SLC24A2: variants seen among roughly 807,000 people sequenced by gnomAD.
SLC24A2 encodes the protein sodium/potassium/calcium exchanger 2.
In SLC24A2, 36 loss-of-function variants were observed where a neutral mutation model predicts 62.0. That is an observed-to-expected ratio of 0.58 (90% CI 0.44 to 0.77). The LOEUF is 0.77. Among genes scored for constraint, SLC24A2 ranks in the 30% least tolerant of loss-of-function variants. The pLI, the probability that SLC24A2 is intolerant of heterozygous loss-of-function variation, is 0.00. For synonymous variants in SLC24A2, 358 were observed against 294.0 expected (o/e 1.22, Z -2.23); for missense variants, 846 against 817.9 (o/e 1.03, Z -0.42).
At chr9:19,637,160 G>A (rs1818380070) in intron 2 of SLC24A2, among the ~76,000 whole-genome samples, 2 of 152,174 alleles carry the variant, frequency 1.3e-5, no homozygotes, top group Non-Finnish European at 2.9e-5. Context: ...CACTGAAATG[G>A]GTTCTGGCAC....
intron 2 of SLC24A2, among the ~76,000 whole-genome samples, chr9:19,662,153 T>G (rs1819120119): frequency 6.6e-6 from 1 of 152,168 alleles, no homozygotes; most frequent in East Asian, 1.9e-4. Context: ...ATTATAAAAG[T>G]AACAAGAAAC....
At chr9:19,715,756 G>T (rs1820840040) in intron 2 of SLC24A2, among the ~76,000 whole-genome samples, 1 of 152,190 alleles carries the variant, frequency 6.6e-6, no homozygotes, top group African/African-American at 2.4e-5. Flanking sequence ...TTTTTATACA[G>T]CTGCATTATA....
At chr9:20,225,560 T>TTATATATATATATATTATATATATAA in the SLC24A2 span, among the ~76,000 whole-genome samples, 4 of 100,270 alleles carry the variant, frequency 4.0e-5, no homozygotes, top group Non-Finnish European at 7.2e-5. Context: ...ACTATATATA[T>TTATATATATATATATTATATATATAA]TATATATATA....
the SLC24A2 span, among the ~76,000 whole-genome samples, chr9:20,205,138 G>A: frequency 2.0e-5 from 3 of 152,024 alleles, no homozygotes; most frequent in Non-Finnish European, 4.4e-5. Context: ...GCATTGCCAC[G>A]TTCAAAATAA....
the SLC24A2 span, among the ~76,000 whole-genome samples, chr9:19,838,041 C>A: frequency 6.6e-6 from 1 of 150,776 alleles, no homozygotes; most frequent in Non-Finnish European, 1.5e-5. Context: ...CTACCAATGC[C>A]TTTCTTCACA....
chr9:20,076,093 C>CT, the SLC24A2 span, among the ~76,000 whole-genome samples: 11 of 151,454 alleles, frequency 7.3e-5, no homozygotes, highest in East Asian at 7.8e-4. Context: ...TGCAATCATT[C>CT]TTTTTTTTTC....
chr9:20,151,586 C>T, the SLC24A2 span, among the ~76,000 whole-genome samples: 1 of 151,870 alleles, frequency 6.6e-6, no homozygotes, highest in African/African-American at 2.4e-5. Context: ...GCATGCATCA[C>T]TCTACCTTCA....
intron 2 of SLC24A2, among the ~76,000 whole-genome samples, chr9:19,739,415 A>C (rs935926801): frequency 1.3e-5 from 2 of 152,244 alleles, no homozygotes; most frequent in African/African-American, 4.8e-5. Flanking sequence ...AACAGAACTC[A>C]GTAATGTATA....
At chr9:19,780,344 T>G (rs1034975014) in intron 2 of SLC24A2, among the ~76,000 whole-genome samples, 1 of 151,092 alleles carries the variant, frequency 6.6e-6, no homozygotes, top group Non-Finnish European at 1.5e-5. Context: ...CTTGGCTCAC[T>G]GCAATCTCTG....
chr9:20,293,210 G>T, the SLC24A2 span, among the ~76,000 whole-genome samples: 5 of 152,290 alleles, frequency 3.3e-5, no homozygotes, highest in South Asian at 1.0e-3. Context: ...ATAATATCAA[G>T]TTCTGAGACA....
the SLC24A2 span, among the ~76,000 whole-genome samples, chr9:20,080,920 A>G: frequency 6.6e-6 from 1 of 152,176 alleles, no homozygotes; most frequent in African/African-American, 2.4e-5. Flanking sequence ...AATCAAAACC[A>G]CAATGAGATA....
the SLC24A2 span, among the ~76,000 whole-genome samples, chr9:19,978,820 A>G: frequency 1.1e-3 from 162 of 152,298 alleles, 3 homozygotes; most frequent in East Asian, 0.029. Context: ...GAAAGGAACA[A>G]AGCTAGAAAG....
Position 19,513,313 on chromosome 9 carries a change from C to G in SLC24A2, c.*2840G>C, listed in dbSNP as rs1383391347. 1 of 151,438 alleles carries G rather than the reference C, an allele frequency of 6.6e-6. No homozygotes were observed. The highest frequency in any genetic ancestry group is 1.5e-5 in the Non-Finnish European group (1 of 67,938). The allele number at this position is 151,438 out of a possible 1,614,324, so 9.4% of individuals were successfully genotyped here. Reference sequence around the variant, plus strand: ...CCAATGATTTGAATGGTTTAAAGACCCATTGTTGAACTCTGTACACATCTC... The same window carrying G: ...CCAATGATTTGAATGGTTTAAAGACGCATTGTTGAACTCTGTACACATCTC... On this transcript the variant is annotated 3_prime_UTR_variant, in exon 11 of 11. Transcript: ENST00000341998.
intron 2 of SLC24A2, among the ~76,000 whole-genome samples, chr9:19,776,288 C>T (rs970028365): frequency 9.2e-5 from 14 of 152,238 alleles, no homozygotes; most frequent in Non-Finnish European, 2.9e-5. Flanking sequence ...TGAAATCAGA[C>T]AGGCTCAAGT....
chr9:20,086,431 G>T, the SLC24A2 span, among the ~76,000 whole-genome samples: 1 of 152,120 alleles, frequency 6.6e-6, no homozygotes, highest in Non-Finnish European at 1.5e-5. Flanking sequence ...GTTTGTGTTT[G>T]CCTATTATGG....
the SLC24A2 span, among the ~76,000 whole-genome samples, chr9:19,967,058 C>T: frequency 1.3e-4 from 20 of 152,176 alleles, no homozygotes; most frequent in African/African-American, 4.6e-4. Flanking sequence ...ATGTTTACTG[C>T]ACCCATGTGT....
chr9:19,570,269 A>T (rs572566507), intron 7 of SLC24A2, among the ~76,000 whole-genome samples: 7 of 152,258 alleles, frequency 4.6e-5, no homozygotes, highest in Non-Finnish European at 8.8e-5. Context: ...ACTAAACATG[A>T]CTTTCCCTTT....
At chr9:20,136,861 A>G in the SLC24A2 span, among the ~76,000 whole-genome samples, 16 of 152,164 alleles carry the variant, frequency 1.1e-4, no homozygotes, top group Admixed American at 2.6e-4. Flanking sequence ...GTGTCTAAAC[A>G]CATTTTCTCT....
the SLC24A2 span, among the ~76,000 whole-genome samples, chr9:20,039,610 C>T: frequency 1.5e-4 from 23 of 152,090 alleles, no homozygotes; most frequent in Admixed American, 9.2e-4. Flanking sequence ...GCTTAGGTTT[C>T]GGGACATGTT....
Sources: gnomAD v4.1 joint callset for allele counts (sites outside exome capture counted in the v4.1 genomes callset) on GRCh38, gnomAD v4.1.1 for gene constraint, MANE v1.5 for transcripts, NCBI Gene and HGNC (gene_info 2026-07-23, HGNC 2026-07-21) for gene names.